The following RNPC3 variants were observed in gnomAD, a reference collection of about 807,000 sequenced individuals.
RNPC3 encodes the protein RNA binding region (RNP1, RRM) containing 3.
In RNPC3, 48 loss-of-function variants were observed where a neutral mutation model predicts 67.5. That is an observed-to-expected ratio of 0.71 (90% CI 0.56 to 0.90). RNPC3 has a LOEUF of 0.90. Ranked by LOEUF, RNPC3 falls within the 40% of genes least tolerant of loss-of-function variation. RNPC3 has a pLI of 0.00. For synonymous variants in RNPC3, 239 were observed against 210.3 expected, an observed-to-expected ratio of 1.14 and a Z score of -1.18; for missense variants, 637 against 626.1, an observed-to-expected ratio of 1.02 and a Z score of -0.19.
At position 103,533,833 on chromosome 1, in the gene RNPC3, CT is replaced by C. The variant is rs1250794730; in HGVS notation, c.337del (p.Ser113GlnfsTer25). 2 of 1,512,508 alleles carry C rather than the reference CT, an allele frequency of 1.3e-6. No homozygotes were observed. Among genetic ancestry groups the C allele is most frequent in the South Asian group, 1.2e-5 (1 of 82,992 alleles). The allele number at this position is 1,512,508 out of a possible 1,614,324, so 93.7% of individuals were successfully genotyped here. ...GATCGAGTTCACTCCCCATGTCCCA[CT>C]TCAGGCTCTGAAAAAAAAAAAAGGT... ...EQDRVHSPCP[T>X]SGSEKKKRSD... On this transcript the variant is annotated frameshift_variant, in exon 3 of 15. Coordinates refer to ENST00000423855, the MANE Select transcript of RNPC3 (RefSeq NM_017619.4). LOFTEE classifies it high-confidence loss of function.
intron 14 of RNPC3, chr1:103,552,924 G>C (rs746504103): frequency 6.6e-6 from 1 of 152,156 alleles, no homozygotes; most frequent in Non-Finnish European, 1.5e-5. Flanking sequence ...CATTTTAAAT[G>C]TTAATGTTTG....
intron 9 of RNPC3, 145 bp downstream of exon 9, chr1:103,543,592 C>T (rs1332372650): frequency 3.5e-5 from 21 of 592,162 alleles, no homozygotes; most frequent in Middle Eastern, 3.5e-4. Flanking sequence ...GAATAATATC[C>T]GCTTTCAACT....
At chr1:103,546,409 A>G in intron 11 of RNPC3, 67 bp downstream of exon 11, 1 of 781,858 alleles carries the variant, frequency 1.3e-6, no homozygotes, top group Non-Finnish European at 1.9e-6. Flanking sequence ...TTGATGTGTT[A>G]AAGTCTGTTT....
chr1:103,534,649 G>GT (rs36141069), intron 3 of RNPC3, 125 bp from the exon 4 acceptor site: 48,985 of 508,536 alleles, frequency 0.096, 342 homozygotes, highest in African/African-American at 0.14. Flanking sequence ...ATACTTGAAA[G>GT]TTTTTTTTTT....
rs758820691 is a variant in RNPC3, at chr1:103,527,622, G to A, written c.193-73G>A. 2.5e-5 allele frequency: 29 copies of A among 1,149,064 alleles called. No homozygotes were observed. In the Admixed American group the frequency reaches 3.3e-4, roughly 13 times the overall value. The allele number at this position is 1,149,064 out of a possible 1,614,324, so 71.2% of individuals were successfully genotyped here. A position where few individuals can be genotyped will look rare whatever the true frequency, so the allele number is the denominator to read the frequency against. ...TATTAACATGTCACATTACTCCACTGGTAAAAAGTCAGATTTCTTTGTGAG... is the reference window on the plus strand; with the variant it reads ...TATTAACATGTCACATTACTCCACTAGTAAAAAGTCAGATTTCTTTGTGAG... On this transcript the variant is annotated intron_variant, in intron 1 of 14. Transcript: ENST00000423855.
chr1:103,530,625 A>C (rs1650826610), intron 2 of RNPC3, among the ~76,000 whole-genome samples: 1 of 152,176 alleles, frequency 6.6e-6, no homozygotes, highest in Admixed American at 6.5e-5. Context: ...TGCTGTCAGT[A>C]AAATAGGGAG....
At chr1:103,551,641 T>TTAA in intron 13 of RNPC3, 80 bp from the exon 14 acceptor site, 1 of 894,680 alleles carries the variant, frequency 1.1e-6, no homozygotes, top group Non-Finnish European at 1.7e-6. Context: ...ACTCCCACCA[T>TTAA]ACACTAGAAA....
chr1:103,538,784 T>TA (rs1221863878), intron 7 of RNPC3, among the ~76,000 whole-genome samples: 1 of 152,244 alleles, frequency 6.6e-6, no homozygotes, highest in Non-Finnish European at 1.5e-5. Context: ...CATACAAAAC[T>TA]ATAATTAGTA....
intron 5 of RNPC3, 110 bp from the exon 6 acceptor site, chr1:103,536,016 C>G (rs1456269697): frequency 4.1e-6 from 3 of 740,162 alleles, no homozygotes; most frequent in East Asian, 5.5e-5. Flanking sequence ...ATGGGCAGGT[C>G]TTCCTTTACA....
intron 9 of RNPC3, among the ~76,000 whole-genome samples, chr1:103,544,549 T>C (rs1651199378): frequency 6.6e-6 from 1 of 151,906 alleles, no homozygotes; most frequent in African/African-American, 2.4e-5. Flanking sequence ...ACATATATCT[T>C]TGAGCACTTG....
intron 14 of RNPC3, chr1:103,553,972 A>G (rs1470377404): frequency 6.6e-6 from 1 of 152,252 alleles, no homozygotes; most frequent in Non-Finnish European, 1.5e-5. Context: ...GTATATAGGA[A>G]TAGTGGTTTC....
At chr1:103,550,056 C>G (rs994612164) in intron 12 of RNPC3, among the ~76,000 whole-genome samples, 1 of 151,458 alleles carries the variant, frequency 6.6e-6, no homozygotes, top group Non-Finnish European at 1.5e-5. Flanking sequence ...CCCAGCTACC[C>G]GGGGGGCTGA....
At position 103,534,835 on chromosome 1, in the gene RNPC3, A is replaced by G; in HGVS notation, c.421A>G (p.Asn141Asp). The G allele has an allele frequency of 6.5e-7, 1 of 1,532,398 alleles. No individual in the cohort carries two copies. The highest frequency in any genetic ancestry group is 8.7e-7 in the Non-Finnish European group (1 of 1,144,338). The allele number at this position is 1,532,398 out of a possible 1,614,324, so 94.9% of individuals were successfully genotyped here. ...KKELGYLTVE[N>D]GIAPNHGLTF... ...AGAACTTGGTTATTTAACAGTAGAAAATGGAATTGCACCAAACCATGGGTT... is the reference window on the plus strand; with the variant it reads ...AGAACTTGGTTATTTAACAGTAGAAGATGGAATTGCACCAAACCATGGGTT... Residue 141 changes from asparagine to aspartate, a missense_variant, in exon 4 of 15, where the codon AAT (asparagine) becomes GAT (aspartate). Physicochemically the swap from Asn to Asp is conservative, Grantham distance 23. Around this residue, in one of 3 missense-constraint regions of RNPC3, gnomAD observed 536 missense variants for 500.3 expected, o/e 1.07. Transcript: ENST00000423855.
intron 3 of RNPC3, among the ~76,000 whole-genome samples, 170 bp from the exon 4 acceptor site, chr1:103,534,604 A>T (rs1228619597): frequency 6.6e-6 from 1 of 151,532 alleles, no homozygotes; most frequent in South Asian, 2.1e-4. Flanking sequence ...AGTTAATTTT[A>T]GTTCCCTTCC....
chr1:103,527,012 CT>C (rs142853092), intron 1 of RNPC3, among the ~76,000 whole-genome samples: 4,928 of 151,110 alleles, frequency 0.033, 272 homozygotes, highest in African/African-American at 0.11. Context: ...TCACTTATGC[CT>C]GCAAATTAAA....
Position 103,533,744 on chromosome 1 carries a change from G to A in RNPC3, c.246G>A (p.Leu82=), listed in dbSNP as rs1179716839. Residue 82 remains leucine (L), a synonymous_variant, in exon 3 of 15, where the codon TTG becomes TTA. Coordinates refer to ENST00000423855, the MANE Select transcript of RNPC3 (RefSeq NM_017619.4). ...FPNEKAAIKA[L]TRLHQLKLLG... ...TCTTGTTCTTTTAACTGAAGGCATT[G>A]ACAAGACTCCATCAACTGAAACTTT... The A allele has an allele frequency of 1.3e-6, 2 of 1,511,342 alleles. No individual in the cohort carries two copies. The allele number at this position is 1,511,342 out of a possible 1,614,324, so 93.6% of individuals were successfully genotyped here.
At chr1:103,527,224 A>C (rs948018124) in intron 1 of RNPC3, among the ~76,000 whole-genome samples, 1 of 152,188 alleles carries the variant, frequency 6.6e-6, no homozygotes, top group South Asian at 2.1e-4. Flanking sequence ...TTTATGTTTA[A>C]AAATAGACTT....
chr1:103,544,913 A>G (rs1182394596), intron 9 of RNPC3, 28 bp from the exon 10 acceptor site: 3 of 1,421,310 alleles, frequency 2.1e-6, no homozygotes, highest in Non-Finnish European at 2.8e-6. Context: ...GAGATTCTTA[A>G]TGGTTAATGT....
rs1651014707 is a variant in RNPC3 at position 103,537,493 on chromosome 1, CA to C, written c.767+10del. 6.6e-7 allele frequency: 1 copy of C among 1,526,606 alleles called. No homozygotes were observed. Among genetic ancestry groups the C allele is most frequent in the Admixed American group, 2.1e-5 (1 of 48,674 alleles). The allele number at this position is 1,526,606 out of a possible 1,614,324, so 94.6% of individuals were successfully genotyped here. ...GATGAGGACCGACAGAGGTTTGTAA[CA>C]TGAAAAATTTGTTTAGTTTCCAAGA... On this transcript the variant is annotated intron_variant, in intron 7 of 14. Coordinates refer to ENST00000423855, the MANE Select transcript of RNPC3 (RefSeq NM_017619.4).
Sources: allele counts gnomAD v4.1 joint callset (sites outside exome capture counted in the v4.1 genomes callset), GRCh38; gene constraint gnomAD v4.1.1; regional missense constraint gnomAD v4.1.1; transcripts MANE v1.5; gene names NCBI Gene and HGNC (gene_info 2026-07-23, HGNC 2026-07-21).